AFF1: variants seen among roughly 807,000 people sequenced by gnomAD.
AFF1 encodes AF4/FMR2 family member 1.
AFF1 carries 48 observed loss-of-function variants against 121.7 expected under a neutral mutation model. The ratio of observed to expected loss-of-function variants is 0.39; its 90% CI spans 0.31 to 0.50. The LOEUF (loss-of-function observed/expected upper bound fraction) is 0.50. Ranked by LOEUF, AFF1 falls within the 20% of genes least tolerant of loss-of-function variation. The pLI, the probability that AFF1 is intolerant of heterozygous loss-of-function variation, is 0.76. For synonymous variants in AFF1, 613 were observed against 563.0 expected (o/e 1.09, Z -1.26); for missense variants, 1,523 against 1,511.7 (o/e 1.01, Z -0.12).
chr4:86,999,891 A>G (rs905548276), intron 2 of AFF1, among the ~76,000 whole-genome samples: 11 of 152,186 alleles, frequency 7.2e-5, no homozygotes, highest in South Asian at 2.1e-4. Context: ...ATGTATTGGG[A>G]GAAATGCCTT....
At chr4:87,029,943 AT>A (rs1357484764) in intron 2 of AFF1, among the ~76,000 whole-genome samples, 9 of 152,128 alleles carry the variant, frequency 5.9e-5, no homozygotes, top group African/African-American at 1.9e-4. Context: ...CACACATCAC[AT>A]TTTGCTAATC....
At chr4:86,963,018 T>G (rs944059795) in intron 2 of AFF1, among the ~76,000 whole-genome samples, 1 of 151,814 alleles carries the variant, frequency 6.6e-6, no homozygotes, top group African/African-American at 2.4e-5. Flanking sequence ...ATACAAAAAT[T>G]AGCCAGGCGT....
chr4:86,950,083 G>A, intron 2 of AFF1: 1 of 1,614,132 alleles, frequency 6.2e-7, no homozygotes, highest in Middle Eastern at 1.7e-4. Flanking sequence ...ACGCGGCGAA[G>A]CCCCAGTAGT....
chr4:87,114,308 A>G (rs1009221207), intron 11 of AFF1, 59 bp from the exon 12 acceptor site: 4 of 1,461,778 alleles, frequency 2.7e-6, no homozygotes, highest in Admixed American at 5.0e-5. Flanking sequence ...TGACTAACAC[A>G]AAAGAATAAT....
chr4:87,072,516 A>C (rs1722188517), intron 4 of AFF1, among the ~76,000 whole-genome samples: 1 of 151,486 alleles, frequency 6.6e-6, no homozygotes. Flanking sequence ...TTTATTTATT[A>C]TTTATTTTTA....
chr4:87,022,519 C>T (rs1405263393), intron 2 of AFF1, among the ~76,000 whole-genome samples: 4 of 120,896 alleles, frequency 3.3e-5, no homozygotes, highest in Non-Finnish European at 7.1e-5. Context: ...GACCCCTCTA[C>T]GATGTTTTCT....
chr4:87,058,001 C>G (rs1236525647), intron 4 of AFF1, among the ~76,000 whole-genome samples: 2 of 151,860 alleles, frequency 1.3e-5, no homozygotes, highest in African/African-American at 4.8e-5. Context: ...GTAAACAGTT[C>G]ACTTTATAAA....
At chr4:87,130,023 G>A (rs1223751107) in intron 16 of AFF1, among the ~76,000 whole-genome samples, 1 of 149,552 alleles carries the variant, frequency 6.7e-6, no homozygotes, top group Non-Finnish European at 1.5e-5. Context: ...CACCCAGGCT[G>A]GAGTGCAATG....
intron 2 of AFF1, among the ~76,000 whole-genome samples, chr4:86,951,199 C>T (rs951653125): frequency 2.0e-5 from 3 of 152,100 alleles, no homozygotes; most frequent in Non-Finnish European, 2.9e-5. Flanking sequence ...CTCTTTTAAG[C>T]GGAACACAGG....
intron 2 of AFF1, among the ~76,000 whole-genome samples, chr4:86,963,964 T>A (rs13124052): frequency 1.5e-5 from 1 of 67,750 alleles, no homozygotes; most frequent in African/African-American, 1.4e-4. Flanking sequence ...ACTAGACTGG[T>A]TTTTTTTTTT....
At chr4:87,079,361 C>T (rs1722956209) in intron 4 of AFF1, among the ~76,000 whole-genome samples, 1 of 152,178 alleles carries the variant, frequency 6.6e-6, no homozygotes, top group African/African-American at 2.4e-5. Context: ...AGTGCGTTTC[C>T]TTACAGTTAC....
chr4:86,997,855 T>A (rs1725339516), intron 2 of AFF1, among the ~76,000 whole-genome samples: 1 of 151,744 alleles, frequency 6.6e-6, no homozygotes, highest in Non-Finnish European at 1.5e-5. Context: ...ACGCCTGTAA[T>A]CCCAGCACTT....
chr4:87,065,017 T>C (rs1454848927), intron 4 of AFF1, among the ~76,000 whole-genome samples: 3 of 147,962 alleles, frequency 2.0e-5, no homozygotes, highest in African/African-American at 7.3e-5. Flanking sequence ...CCAGCCTGGC[T>C]GACAGACTCT....
chr4:87,115,763 C>T (rs2149771559), intron 12 of AFF1, among the ~76,000 whole-genome samples: 1 of 151,980 alleles, frequency 6.6e-6, no homozygotes, highest in Non-Finnish European at 1.5e-5. Flanking sequence ...TGTGTGCCAC[C>T]ACACCCGGCT....
At chr4:86,991,147 AAAAC>A (rs1333609309) in intron 2 of AFF1, among the ~76,000 whole-genome samples, 2 of 151,892 alleles carry the variant, frequency 1.3e-5, no homozygotes, top group African/African-American at 4.8e-5. Context: ...CTCAAAACAA[AAAAC>A]AAAACAAAAA....
chr4:87,121,541 G>C (rs1438040024), intron 12 of AFF1, among the ~76,000 whole-genome samples: 1 of 152,198 alleles, frequency 6.6e-6, no homozygotes, highest in Admixed American at 6.5e-5. Context: ...CTCTGTGGCT[G>C]TTCCAGACAG....
chr4:86,982,947 C>T (rs771382253), intron 2 of AFF1, among the ~76,000 whole-genome samples: 2 of 151,098 alleles, frequency 1.3e-5, no homozygotes, highest in African/African-American at 4.9e-5. Flanking sequence ...AGGAAGTGAG[C>T]CTTTACCAGA....
chr4:87,048,037 A>G (rs1468758780), intron 4 of AFF1: 1 of 197,528 alleles, frequency 5.1e-6, no homozygotes, highest in Non-Finnish European at 1.1e-5. Context: ...TTTTTTGATT[A>G]ATACCTCCTC....
At position 86,999,119 on chromosome 4, in the gene AFF1, G is replaced by A. The variant is rs187318487; in HGVS notation, c.39-47047G>A. Among the ~76,000 whole-genome samples, 27 of 152,226 alleles carry A rather than the reference G, an allele frequency of 1.8e-4. 1 individual carries two copies. The highest frequency in any genetic ancestry group is 1.6e-3 in the Admixed American group (25 of 15,284). On this transcript the variant is annotated intron_variant, in intron 2 of 20. Coordinates refer to ENST00000395146, the MANE Select transcript of AFF1 (RefSeq NM_001166693.3). ...CATCACTACTCCTTCGCACTCACTG[G>A]TGTTTGCTATTCAACAAATTATTAA...
Sources: allele counts gnomAD v4.1 joint callset (sites outside exome capture counted in the v4.1 genomes callset), GRCh38; gene constraint gnomAD v4.1.1; transcripts MANE v1.5; gene names NCBI Gene and HGNC (gene_info 2026-07-23, HGNC 2026-07-21).